EPG5: variants seen among roughly 807,000 people sequenced by gnomAD.
The protein encoded by EPG5 is ectopic P-granules 5 autophagy tethering factor.
Under a neutral mutation model 302.7 loss-of-function variants are expected in EPG5, and 159 were observed. The ratio of observed to expected loss-of-function variants is 0.53; its 90% CI spans 0.46 to 0.60. The LOEUF (loss-of-function observed/expected upper bound fraction) is 0.60, where lower values mean the gene tolerates loss of function less well. EPG5 is among the 20% of genes least tolerant of loss of function. The probability of loss-of-function intolerance (pLI) is 0.00; values close to 1 mark genes in which losing one functional copy is unlikely to be tolerated. For missense variants in EPG5, 2,896 were observed against 3,092.4 expected, an observed-to-expected ratio of 0.94 and a Z score of 1.51; for synonymous variants, 1,158 against 1,136.8, an observed-to-expected ratio of 1.02 and a Z score of -0.37.
chr18:45,887,020 T>C (rs896342697), intron 29 of EPG5, among the ~76,000 whole-genome samples: 1 of 152,242 alleles, frequency 6.6e-6, no homozygotes, highest in African/African-American at 2.4e-5. Flanking sequence ...TGATGATACC[T>C]GTTCAGCATT....
At position 45,889,841 on chromosome 18, in the gene EPG5, G is replaced by A. The variant is rs2049303054; in HGVS notation, c.4909C>T (p.Leu1637Phe). The change falls in exon 28 of 44, where the codon CTT becomes TTT. Residue 1637 changes from leucine (L) to phenylalanine (F), a missense_variant. Coordinates refer to ENST00000282041, the MANE Select transcript of EPG5 (RefSeq NM_020964.3). ...TGTACAGCAGCTTCCACAATATTAAGTGATGGTGGTTTAGCAGCTTCTGCT... is the reference window on the plus strand; with the variant it reads ...TGTACAGCAGCTTCCACAATATTAAATGATGGTGGTTTAGCAGCTTCTGCT... ...LQAEAAKPPS[L>F]NIVEAAVHAE... 6.2e-7 allele frequency: 1 copy of A among 1,612,268 alleles called. No homozygotes were observed.
At position 45,952,507 on chromosome 18, in the gene EPG5, TGAAGG is replaced by T. The variant is rs1346847619; in HGVS notation, c.1140_1144del (p.Leu381PhefsTer21). 1 of 1,614,080 alleles carries T rather than the reference TGAAGG, an allele frequency of 6.2e-7. No homozygotes were observed. Among genetic ancestry groups the T allele is most frequent in the Non-Finnish European group, 8.5e-7 (1 of 1,180,040 alleles). ...TCTTGAGAGCACAGAAGTATAAGAA[TGAAGG>T]GCCAGGGTCTGGTGGAGGTGCTCAG... is the stretch of plus-strand genomic sequence containing the variant. On this transcript the variant is annotated frameshift_variant, in exon 3 of 44. Coordinates refer to ENST00000282041, the MANE Select transcript of EPG5 (RefSeq NM_020964.3). LOFTEE classifies it high-confidence loss of function.
At chr18:45,876,529 T>C (rs777684341) in intron 34 of EPG5, among the ~76,000 whole-genome samples, 187 bp from the exon 35 acceptor site, 2 of 152,170 alleles carry the variant, frequency 1.3e-5, no homozygotes, top group Non-Finnish European at 2.9e-5. Flanking sequence ...GCCATATAAT[T>C]TTCTTTCATC....
At chr18:45,890,986 A>C (rs1311616932) in intron 27 of EPG5, among the ~76,000 whole-genome samples, 1 of 152,206 alleles carries the variant, frequency 6.6e-6, no homozygotes, top group African/African-American at 2.4e-5. Flanking sequence ...CAAGAGTTCT[A>C]AACTCTACAT....
intron 1 of EPG5, among the ~76,000 whole-genome samples, chr18:45,959,366 C>A (rs759769908): frequency 3.1e-4 from 46 of 150,306 alleles, no homozygotes; most frequent in Non-Finnish European, 5.3e-4. Flanking sequence ...AGGGGCCGGG[C>A]CAGGCATGGG....
At chr18:45,885,131 G>T (rs989592605) in intron 29 of EPG5, among the ~76,000 whole-genome samples, 1 of 152,148 alleles carries the variant, frequency 6.6e-6, no homozygotes, top group African/African-American at 2.4e-5. Flanking sequence ...CTGAGGTCAG[G>T]AGCTCAAGAC....
chr18:45,958,830 G>T (rs2051086306), intron 1 of EPG5, among the ~76,000 whole-genome samples: 1 of 152,144 alleles, frequency 6.6e-6, no homozygotes, highest in African/African-American at 2.4e-5. Flanking sequence ...AAACTTTGGT[G>T]CTGCAAGTAC....
chr18:45,877,543 G>A (rs893209680), intron 34 of EPG5, among the ~76,000 whole-genome samples: 1 of 152,170 alleles, frequency 6.6e-6, no homozygotes, highest in Non-Finnish European at 1.5e-5. Flanking sequence ...TATGTACACA[G>A]TCACTATAAA....
At chr18:45,879,681 C>G (rs997401931) in intron 32 of EPG5, among the ~76,000 whole-genome samples, 1 of 152,196 alleles carries the variant, frequency 6.6e-6, no homozygotes, top group African/African-American at 2.4e-5. Flanking sequence ...CAGTGGGTTT[C>G]AAACCTTTTC....
In EPG5 at chr18:45,916,422, C is replaced by T. The variant is rs1319186399; in HGVS notation, c.3384+16G>A. 11 of 1,603,368 alleles carry T rather than the reference C, an allele frequency of 6.9e-6. No individual in the cohort carries two copies. The highest frequency in any genetic ancestry group is 1.8e-4 in the Middle Eastern group (1 of 5,650). On this transcript the variant is annotated intron_variant, in intron 18 of 43. Coordinates refer to ENST00000282041, the MANE Select transcript of EPG5 (RefSeq NM_020964.3). ...AGACAGGCGGGAGTGTGCTTAGGGG[C>T]TTGCAAGGCCCTCACCTGGATCATG...
At chr18:45,816,526 A>G in the EPG5 span, among the ~76,000 whole-genome samples, 7 of 152,368 alleles carry the variant, frequency 4.6e-5, no homozygotes, top group East Asian at 1.2e-3. Flanking sequence ...AACATGAAAA[A>G]ATGCTCAACA....
At chr18:45,863,117 T>C (rs1453511028) in intron 39 of EPG5, among the ~76,000 whole-genome samples, 1 of 152,246 alleles carries the variant, frequency 6.6e-6, no homozygotes, top group East Asian at 1.9e-4. Context: ...AATATAGCTA[T>C]GCCAGCTTTC....
the EPG5 span, among the ~76,000 whole-genome samples, chr18:45,830,804 T>G: frequency 6.7e-6 from 1 of 149,956 alleles, no homozygotes; most frequent in South Asian, 2.1e-4. Flanking sequence ...TTCACCATAT[T>G]GGCCAGGCTG....
the EPG5 span, among the ~76,000 whole-genome samples, chr18:45,828,709 G>A: frequency 3.5e-4 from 54 of 152,362 alleles, no homozygotes; most frequent in African/African-American, 1.3e-3. Context: ...AGGCTTCTGA[G>A]TGTGCATCCA....
At chr18:45,928,355 T>C (rs1018041324) in intron 13 of EPG5, among the ~76,000 whole-genome samples, 1 of 152,224 alleles carries the variant, frequency 6.6e-6, no homozygotes, top group African/African-American at 2.4e-5. Context: ...GTAAATTGTA[T>C]GGTATGTGAA....
chr18:45,934,655 C>T (rs1431519985), intron 11 of EPG5, among the ~76,000 whole-genome samples, 154 bp downstream of exon 11: 1 of 152,234 alleles, frequency 6.6e-6, no homozygotes, highest in East Asian at 1.9e-4. Context: ...TACATCAAAA[C>T]TGTGAAGCAG....
intron 1 of EPG5, among the ~76,000 whole-genome samples, chr18:45,962,801 A>G (rs1398214914): frequency 6.6e-6 from 1 of 152,234 alleles, no homozygotes; most frequent in Admixed American, 6.5e-5. Flanking sequence ...TTTCATTAAT[A>G]TAGGACTTTA....
At chr18:45,885,787 T>A (rs1408507190) in intron 29 of EPG5, among the ~76,000 whole-genome samples, 3 of 152,156 alleles carry the variant, frequency 2.0e-5, no homozygotes, top group Non-Finnish European at 4.4e-5. Flanking sequence ...GGAAAAATGT[T>A]TTTTTAACAC....
chr18:45,925,740 G>A lies in EPG5; in HGVS notation c.2716C>T (p.Gln906Ter), dbSNP rs756503608. Reference protein sequence around the residue: ...LEGLNWGFAKQATLHLDQAVH... With the variant: ...LEGLNWGFAK ...CAGGGAATGGTTTGAACACATACCTGTTTAGCAAATCCCCAATTCAGTCCT... is the reference window on the plus strand; with the variant it reads ...CAGGGAATGGTTTGAACACATACCTATTTAGCAAATCCCCAATTCAGTCCT... The change falls in exon 14 of 44, where the codon CAG (glutamine) becomes TAG (stop). Residue 906 changes from glutamine (Q) to a stop codon, truncating the protein, a stop_gained and splice_region_variant. Transcript: ENST00000282041. LOFTEE classifies it high-confidence loss of function. 4.6e-6 allele frequency: 7 copies of A among 1,530,852 alleles called. No homozygotes were observed. The Admixed American group carries it at 1.6e-4, about 35-fold the overall frequency. The allele number at this position is 1,530,852 out of a possible 1,614,324, so 94.8% of individuals were successfully genotyped here.
Sources: allele counts gnomAD v4.1 joint callset (sites outside exome capture counted in the v4.1 genomes callset), GRCh38; gene constraint gnomAD v4.1.1; transcripts MANE v1.5; gene names NCBI Gene and HGNC (gene_info 2026-07-23, HGNC 2026-07-21).